YAP1: variants seen among roughly 807,000 people sequenced by gnomAD.
YAP1 encodes Yes1 associated transcriptional regulator.
Under a neutral mutation model 56.9 loss-of-function variants are expected in YAP1, and 5 were observed. The observed-to-expected ratio is 0.09, with a 90% CI of 0.05 to 0.18. The LOEUF is 0.18. Among genes scored for constraint, YAP1 ranks in the 10% least tolerant of loss-of-function variants. YAP1 has a pLI of 1.00. For missense variants in YAP1, 539 were observed against 651.8 expected, an observed-to-expected ratio of 0.83 and a Z score of 1.88; for synonymous variants, 265 against 248.1, an observed-to-expected ratio of 1.07 and a Z score of -0.64.
intron 3 of YAP1, among the ~76,000 whole-genome samples, chr11:102,175,272 C>G: frequency 6.6e-6 from 1 of 152,090 alleles, no homozygotes; most frequent in East Asian, 1.9e-4. Context: ...TGGTGGTACA[C>G]CCCTGTAATC....
At position 102,232,251 on chromosome 11, in the gene YAP1, T is replaced by G. The variant is rs1950456298; in HGVS notation, c.*2311T>G. The G allele has an allele frequency of 7.3e-6, 1 of 136,168 alleles. No individual in the cohort carries two copies. Among genetic ancestry groups the G allele is most frequent in the Non-Finnish European group, 1.5e-5 (1 of 64,734 alleles). The allele number at this position is 136,168 out of a possible 1,614,324, so 8.4% of individuals were successfully genotyped here. On this transcript the variant is annotated 3_prime_UTR_variant, in exon 9 of 9. Coordinates refer to ENST00000282441, the MANE Select transcript of YAP1 (RefSeq NM_001130145.3). The stretch of plus-strand genomic sequence containing the variant: ...TATCTTATATATCAGCAGATTAGCT[T>G]TAGCTTAGGGGGAGGGTGGGAAAGT...
At chr11:102,203,424 A>G (rs947019040) in intron 4 of YAP1, among the ~76,000 whole-genome samples, 10 of 152,216 alleles carry the variant, frequency 6.6e-5, no homozygotes, top group African/African-American at 2.2e-4. Context: ...AAATTTTGAT[A>G]GTGTAATCAT....
intron 2 of YAP1, among the ~76,000 whole-genome samples, chr11:102,144,361 GA>G (rs895324870): frequency 7.2e-5 from 11 of 152,064 alleles, no homozygotes; most frequent in Non-Finnish European, 1.6e-4. Context: ...TTAAATTGGA[GA>G]AAAAAATTTA....
At chr11:102,136,930 T>C (rs1267162159) in intron 2 of YAP1, among the ~76,000 whole-genome samples, 2 of 152,206 alleles carry the variant, frequency 1.3e-5, no homozygotes, top group Non-Finnish European at 2.9e-5. Flanking sequence ...GAGGAAGTCC[T>C]TTTATCTTGT....
chr11:102,171,490 G>A (rs1041576502), intron 3 of YAP1, among the ~76,000 whole-genome samples: 2 of 152,164 alleles, frequency 1.3e-5, no homozygotes, highest in South Asian at 2.1e-4. Context: ...TTAATGAAAG[G>A]TATTAATTTG....
At position 102,209,374 on chromosome 11, in the gene YAP1, T is replaced by C. The variant is rs771607585; in HGVS notation, c.985-143T>C. Reference sequence around the variant, plus strand: ...GTTATGTGGTGACTCCATTGGCTCCTGTCTTCGTCAGTCTGCTTCTTCTTG... The same window carrying C: ...GTTATGTGGTGACTCCATTGGCTCCCGTCTTCGTCAGTCTGCTTCTTCTTG... On this transcript the variant is annotated intron_variant, in intron 5 of 8. Transcript: ENST00000282441. 9.2e-5 allele frequency: 67 copies of C among 725,044 alleles called. 1 individual carries two copies. Among genetic ancestry groups the C allele is most frequent in the Admixed American group, 3.3e-4 (10 of 30,564 alleles). 44.9% of individuals were successfully genotyped at this position (725,044 alleles called of 1,614,324 possible). A position where few individuals can be genotyped will look rare whatever the true frequency, so the allele number is the denominator to read the frequency against.
intron 2 of YAP1, among the ~76,000 whole-genome samples, chr11:102,146,799 G>T (rs541085293): frequency 2.0e-5 from 3 of 152,032 alleles, no homozygotes; most frequent in African/African-American, 7.3e-5. Context: ...CTTGCTTCTG[G>T]AACTTTCATT....
chr11:102,218,881 T>C (rs1591453578), intron 6 of YAP1, among the ~76,000 whole-genome samples: 2 of 152,350 alleles, frequency 1.3e-5, no homozygotes, highest in East Asian at 3.9e-4. Flanking sequence ...TCACGGCTTT[T>C]AACAAACATA....
At chr11:102,140,499 A>G (rs1260100189) in intron 2 of YAP1, among the ~76,000 whole-genome samples, 1 of 152,148 alleles carries the variant, frequency 6.6e-6, no homozygotes, top group Non-Finnish European at 1.5e-5. Context: ...CACTAAAAAG[A>G]GAAAGAACAG....
intron 3 of YAP1, among the ~76,000 whole-genome samples, chr11:102,177,822 T>C (rs1840065465): frequency 6.6e-6 from 1 of 152,132 alleles, no homozygotes; most frequent in African/African-American, 2.4e-5. Flanking sequence ...ATTGACCCTG[T>C]GAGAGGCATT....
chr11:102,228,969 C>G (rs1417263133), intron 8 of YAP1, among the ~76,000 whole-genome samples: 1 of 152,210 alleles, frequency 6.6e-6, no homozygotes, highest in Non-Finnish European at 1.5e-5. Flanking sequence ...TTAGGAGCCA[C>G]TTCAAACCCA....
At chr11:102,221,745 AT>A (rs1041226251) in intron 6 of YAP1, among the ~76,000 whole-genome samples, 3 of 151,962 alleles carry the variant, frequency 2.0e-5, no homozygotes, top group African/African-American at 7.3e-5. Flanking sequence ...AAAAAAAAAA[AT>A]CTAGAAGCAC....
At chr11:102,134,785 T>C (rs1196224579) in intron 2 of YAP1, among the ~76,000 whole-genome samples, 1 of 152,156 alleles carries the variant, frequency 6.6e-6, no homozygotes, top group Non-Finnish European at 1.5e-5. Context: ...TACTGCTCAC[T>C]GCAGCCTTGA....
intron 2 of YAP1, among the ~76,000 whole-genome samples, chr11:102,141,647 C>T (rs917300957): frequency 2.6e-5 from 4 of 152,086 alleles, no homozygotes; most frequent in African/African-American, 7.2e-5. Flanking sequence ...GTATTGAATC[C>T]TTTTGTTGAC....
At chr11:102,207,250 T>C (rs2135600609) in intron 5 of YAP1, among the ~76,000 whole-genome samples, 1 of 152,270 alleles carries the variant, frequency 6.6e-6, no homozygotes, top group South Asian at 2.1e-4. Flanking sequence ...AGTTCTCTCC[T>C]ATGGGGCCTA....
chr11:102,139,737 G>T (rs1012476431), intron 2 of YAP1, among the ~76,000 whole-genome samples: 1 of 152,160 alleles, frequency 6.6e-6, no homozygotes, highest in African/African-American at 2.4e-5. Context: ...AAAAACAGAT[G>T]TTGGGTTGTC....
At chr11:102,116,566 A>G (rs894622866) in intron 2 of YAP1, among the ~76,000 whole-genome samples, 5 of 152,224 alleles carry the variant, frequency 3.3e-5, no homozygotes, top group African/African-American at 1.2e-4. Flanking sequence ...ACCCCTGTCA[A>G]CTATGGGCCT....
chr11:102,115,645 C>G (rs1014264181), intron 2 of YAP1, among the ~76,000 whole-genome samples: 3 of 150,702 alleles, frequency 2.0e-5, no homozygotes, highest in African/African-American at 7.3e-5. Context: ...GTATCCATTT[C>G]AAAGGATCAG....
At chr11:102,166,274 C>T (rs1946603154) in intron 3 of YAP1, among the ~76,000 whole-genome samples, 2 of 152,166 alleles carry the variant, frequency 1.3e-5, no homozygotes, top group Non-Finnish European at 2.9e-5. Context: ...CTTTACAGCA[C>T]ATGCCTCTTT....
Sources: allele counts gnomAD v4.1 joint callset (sites outside exome capture counted in the v4.1 genomes callset), GRCh38; gene constraint gnomAD v4.1.1; transcripts MANE v1.5; gene names NCBI Gene and HGNC (gene_info 2026-07-23, HGNC 2026-07-21).